The following GNA12 variants were observed in gnomAD, a reference collection of about 807,000 sequenced individuals.
GNA12 encodes G protein subunit alpha 12, also known as guanine nucleotide-binding protein subunit alpha-12.
In GNA12, 9 loss-of-function variants were observed where a neutral mutation model predicts 26.0. The observed-to-expected ratio is 0.35, with a 90% CI of 0.21 to 0.60. The LOEUF (loss-of-function observed/expected upper bound fraction) is 0.60. Ranked by LOEUF, GNA12 falls within the 20% of genes least tolerant of loss-of-function variation. The pLI is 0.78. For missense variants in GNA12, 405 were observed against 525.8 expected (o/e 0.77, Z 2.25); for synonymous variants, 264 against 219.6 (o/e 1.20, Z -1.79).
intron 1 of GNA12, among the ~76,000 whole-genome samples, chr7:2,830,311 T>G (rs768897653): frequency 6.6e-6 from 1 of 152,192 alleles, no homozygotes; most frequent in Non-Finnish European, 1.5e-5. Flanking sequence ...CTGCTCCCAG[T>G]CTAGAATCCA....
intron 2 of GNA12, among the ~76,000 whole-genome samples, chr7:2,793,897 A>C (rs1464940924): frequency 2.5e-4 from 35 of 140,672 alleles, no homozygotes; most frequent in African/African-American, 8.7e-4. Context: ...AAAAAAAAAA[A>C]AGGAAAAAAA....
At chr7:2,735,823 C>T (rs1285903673) in intron 2 of GNA12, among the ~76,000 whole-genome samples, 3 of 152,104 alleles carry the variant, frequency 2.0e-5, no homozygotes, top group African/African-American at 4.8e-5. Flanking sequence ...CCAGGGGGTC[C>T]GTGGGAAAGC....
intron 2 of GNA12, among the ~76,000 whole-genome samples, chr7:2,738,271 T>C (rs183398605): frequency 3.5e-5 from 5 of 144,236 alleles, no homozygotes; most frequent in African/African-American, 1.3e-4. Context: ...AAAAACAGAG[T>C]GAGGCTCCAT....
intron 1 of GNA12, among the ~76,000 whole-genome samples, chr7:2,832,571 G>A (rs1778708841): frequency 1.3e-5 from 2 of 152,168 alleles, no homozygotes; most frequent in Admixed American, 1.3e-4. Flanking sequence ...TTTCTGTTCG[G>A]CTTGGCTTAA....
intron 2 of GNA12, among the ~76,000 whole-genome samples, chr7:2,764,116 G>T (rs1479042688): frequency 6.6e-6 from 1 of 152,098 alleles, no homozygotes; most frequent in Non-Finnish European, 1.5e-5. Flanking sequence ...TGTTGCCCAG[G>T]TTAGGGGGCC....
intron 2 of GNA12, among the ~76,000 whole-genome samples, chr7:2,740,686 G>A (rs1018238445): frequency 2.6e-5 from 4 of 152,138 alleles, no homozygotes; most frequent in African/African-American, 9.7e-5. Flanking sequence ...AGTATCTGTT[G>A]GGCTCATTCT....
intron 1 of GNA12, among the ~76,000 whole-genome samples, chr7:2,810,721 T>C (rs576252963): frequency 1.3e-5 from 2 of 152,232 alleles, no homozygotes; most frequent in African/African-American, 4.8e-5. Context: ...AAGCCCTATC[T>C]ATCTCTGCTA....
At chr7:2,814,987 C>T in intron 1 of GNA12, 10 of 1,549,068 alleles carry the variant, frequency 6.5e-6, no homozygotes, top group Non-Finnish European at 8.7e-6. Flanking sequence ...ACAAGGACGT[C>T]ACTGTATCCA....
rs2115277389 is a variant in GNA12, at chr7:2,730,944, C to T, written c.*237G>A. ...AGGTGTTCCGTATTCACAACATCAT[C>T]ACTCGGATTTTCAGTAGTTTCACTC... On this transcript the variant is annotated 3_prime_UTR_variant, in exon 4 of 4. Coordinates refer to ENST00000275364, the MANE Select transcript of GNA12 (RefSeq NM_007353.3). The T allele has an allele frequency of 3.9e-6, 2 of 514,742 alleles. No homozygotes were observed. Among genetic ancestry groups the T allele is most frequent in the East Asian group, 6.1e-5 (2 of 32,940 alleles). 31.9% of individuals were successfully genotyped at this position (514,742 alleles called of 1,614,324 possible).
intron 2 of GNA12, among the ~76,000 whole-genome samples, chr7:2,742,479 C>A (rs73285338): frequency 0.011 from 1,723 of 152,298 alleles, 27 homozygotes; most frequent in African/African-American, 0.04. Flanking sequence ...AGCCCTGCTC[C>A]TGTTTATCTC....
chr7:2,744,912 G>T (rs1321121040), intron 2 of GNA12, among the ~76,000 whole-genome samples: 1 of 152,064 alleles, frequency 6.6e-6, no homozygotes, highest in Non-Finnish European at 1.5e-5. Flanking sequence ...TGGAAGAAAG[G>T]GTATAAGTGA....
intron 1 of GNA12, among the ~76,000 whole-genome samples, chr7:2,798,682 A>G (rs906521539): frequency 2.6e-5 from 4 of 152,264 alleles, no homozygotes; most frequent in Non-Finnish European, 4.4e-5. Flanking sequence ...ATGAAAAAGC[A>G]TTAAATTAGC....
chr7:2,841,719 A>G (rs1778993131), intron 1 of GNA12, among the ~76,000 whole-genome samples: 1 of 152,248 alleles, frequency 6.6e-6, no homozygotes, highest in African/African-American at 2.4e-5. Context: ...TCTGGAGGCC[A>G]GGATTCCAGC....
At chr7:2,790,473 TA>T (rs1424467409) in intron 2 of GNA12, among the ~76,000 whole-genome samples, 1 of 152,216 alleles carries the variant, frequency 6.6e-6, no homozygotes, top group African/African-American at 2.4e-5. Context: ...CTGTCTGTCC[TA>T]CCGGCTATGT....
At chr7:2,827,657 A>G (rs1793515484) in intron 1 of GNA12, among the ~76,000 whole-genome samples, 1 of 152,202 alleles carries the variant, frequency 6.6e-6, no homozygotes. Flanking sequence ...CAGTGACACC[A>G]GGACATGACT....
chr7:2,795,316 C>G (rs938548053), intron 1 of GNA12, among the ~76,000 whole-genome samples, 173 bp from the exon 2 acceptor site: 1 of 152,164 alleles, frequency 6.6e-6, no homozygotes, highest in Non-Finnish European at 1.5e-5. Flanking sequence ...AGTCTTAACT[C>G]TCAGCAGTAT....
chr7:2,750,107 A>T (rs1214890060), intron 2 of GNA12, among the ~76,000 whole-genome samples: 2 of 152,172 alleles, frequency 1.3e-5, no homozygotes, highest in Non-Finnish European at 2.9e-5. Flanking sequence ...TATACCACAC[A>T]CTTCTGAATA....
intron 2 of GNA12, among the ~76,000 whole-genome samples, chr7:2,785,507 A>G (rs369885609): frequency 5.9e-5 from 9 of 152,214 alleles, no homozygotes; most frequent in African/African-American, 2.2e-4. Flanking sequence ...CCAAACCAAA[A>G]CTAAGAAAGT....
intron 1 of GNA12, among the ~76,000 whole-genome samples, chr7:2,825,797 G>A (rs983014728): frequency 3.9e-5 from 6 of 152,198 alleles, no homozygotes; most frequent in African/African-American, 1.4e-4. Context: ...ACACAAAGCA[G>A]CTGCGGCAGC....
Sources: gnomAD v4.1 joint callset for allele counts (sites outside exome capture counted in the v4.1 genomes callset) on GRCh38, gnomAD v4.1.1 for gene constraint, MANE v1.5 for transcripts, NCBI Gene and HGNC (gene_info 2026-07-23, HGNC 2026-07-21) for gene names.